The following OXR1 variants were observed in gnomAD, a reference collection of about 807,000 sequenced individuals.
OXR1 encodes oxidation resistance 1.
A neutral mutation model predicts 104.6 loss-of-function variants in OXR1; 41 were observed. That is an observed-to-expected ratio of 0.39 (90% CI 0.31 to 0.51). The LOEUF (loss-of-function observed/expected upper bound fraction) is 0.51, where lower values mean the gene tolerates loss of function less well. Ranked by LOEUF, OXR1 falls within the 20% of genes least tolerant of loss-of-function variation. The pLI, the probability that OXR1 is intolerant of heterozygous loss-of-function variation, is 0.77. For synonymous variants in OXR1, 348 were observed against 348.4 expected (o/e 1.00, Z 0.01); for missense variants, 955 against 1,031.9 (o/e 0.93, Z 1.02).
chr8:106,318,014 T>A (rs1814044280), intron 1 of OXR1, among the ~76,000 whole-genome samples: 1 of 152,180 alleles, frequency 6.6e-6, no homozygotes, highest in South Asian at 2.1e-4. Flanking sequence ...ATATTCCTAA[T>A]GACCATGACA....
At chr8:106,695,824 T>C (rs535091685) in intron 7 of OXR1, among the ~76,000 whole-genome samples, 1 of 152,338 alleles carries the variant, frequency 6.6e-6, no homozygotes, top group African/African-American at 2.4e-5. Flanking sequence ...TTTTTTTTAA[T>C]TAATATACTT....
In OXR1 at chr8:106,459,762, A is replaced by G. The variant is rs1172708935; in HGVS notation, c.24-59181A>G. On this transcript the variant is annotated intron_variant, in intron 2 of 16. Coordinates refer to ENST00000517566, the MANE Select transcript of OXR1 (RefSeq NM_001198533.2). ...TCTGTCATGATATAGCCTCATTTAT[A>G]AATTTCTTGTGTTTCCTATTGCATC... Among the ~76,000 whole-genome samples the G allele has an allele frequency of 2.0e-5, 3 of 152,184 alleles. No homozygotes were observed. In the East Asian group the frequency reaches 5.8e-4, roughly 29 times the overall value.
intron 11 of OXR1, among the ~76,000 whole-genome samples, chr8:106,726,598 T>G (rs1423317204): frequency 2.0e-5 from 3 of 152,194 alleles, no homozygotes; most frequent in Admixed American, 2.0e-4. Context: ...TTATTTTAGC[T>G]TAACTTTTTA....
intron 11 of OXR1, among the ~76,000 whole-genome samples, chr8:106,732,131 A>C (rs1230821450): frequency 6.6e-6 from 1 of 152,144 alleles, no homozygotes; most frequent in Non-Finnish European, 1.5e-5. Context: ...TTTCATTTAC[A>C]TTATGCTAAT....
At chr8:106,275,415 GTAGT>G (rs1811997646) in intron 1 of OXR1, among the ~76,000 whole-genome samples, 1 of 152,054 alleles carries the variant, frequency 6.6e-6, no homozygotes, top group African/African-American at 2.4e-5. Context: ...GCTGGCACTG[GTAGT>G]TAGAGGAAGC....
At chr8:106,624,061 A>G (rs1236869737) in intron 3 of OXR1, among the ~76,000 whole-genome samples, 1 of 152,194 alleles carries the variant, frequency 6.6e-6, no homozygotes, top group Non-Finnish European at 1.5e-5. Context: ...TTTCATTCAC[A>G]TGTGTGTTTT....
intron 1 of OXR1, among the ~76,000 whole-genome samples, chr8:106,276,201 G>A (rs770290140): frequency 2.8e-4 from 43 of 152,184 alleles, no homozygotes; most frequent in Non-Finnish European, 4.1e-4. Context: ...ATAGGTGCAG[G>A]CTGTAGTCTG....
intron 3 of OXR1, chr8:106,618,069 A>G (rs1821387193): frequency 3.3e-6 from 5 of 1,535,048 alleles, no homozygotes; most frequent in East Asian, 4.9e-5. Flanking sequence ...GAAATGTTAT[A>G]TTACCCTGAG....
chr8:106,665,737 A>G (rs3101532), intron 3 of OXR1, among the ~76,000 whole-genome samples: 45,331 of 152,062 alleles, frequency 0.3, 8,776 homozygotes, highest in African/African-American at 0.55. Context: ...CTCTTTATAA[A>G]TGTTGTTCAA....
chr8:106,497,060 C>T (rs186320778), intron 2 of OXR1, among the ~76,000 whole-genome samples: 16 of 152,296 alleles, frequency 1.1e-4, no homozygotes, highest in Admixed American at 4.6e-4. Context: ...TGCCACAGGA[C>T]GCTCAGTGTT....
chr8:106,550,619 T>A (rs1192811013), intron 3 of OXR1, among the ~76,000 whole-genome samples: 2 of 152,042 alleles, frequency 1.3e-5, no homozygotes, highest in Admixed American at 6.6e-5. Context: ...AGTGAGTGAG[T>A]TCTCATGAGA....
At chr8:106,277,730 G>T (rs1217575294) in intron 1 of OXR1, among the ~76,000 whole-genome samples, 1 of 152,224 alleles carries the variant, frequency 6.6e-6, no homozygotes, top group Non-Finnish European at 1.5e-5. Context: ...AGGGTTCTAA[G>T]ATGGCTGCCA....
At chr8:106,563,834 T>C (rs1816869189) in intron 3 of OXR1, among the ~76,000 whole-genome samples, 1 of 152,172 alleles carries the variant, frequency 6.6e-6, no homozygotes, top group African/African-American at 2.4e-5. Context: ...ATTAGGAAAC[T>C]CATTCAAAAC....
chr8:106,479,873 T>A (rs1380846396), intron 2 of OXR1, among the ~76,000 whole-genome samples: 1 of 152,062 alleles, frequency 6.6e-6, no homozygotes, highest in East Asian at 1.9e-4. Context: ...ATAGAGTTTT[T>A]ACTTTGATTT....
chr8:106,434,240 T>C (rs1361482111), intron 2 of OXR1, among the ~76,000 whole-genome samples: 1 of 152,192 alleles, frequency 6.6e-6, no homozygotes, highest in East Asian at 1.9e-4. Context: ...GTAAGATCAT[T>C]TGAATTACTG....
At chr8:106,515,222 G>A (rs948467125) in intron 2 of OXR1, among the ~76,000 whole-genome samples, 13 of 151,966 alleles carry the variant, frequency 8.6e-5, no homozygotes, top group Non-Finnish European at 1.6e-4. Flanking sequence ...TATATTTATA[G>A]GGTACAAAAT....
At position 106,671,882 on chromosome 8, in the gene OXR1, T is replaced by A. The variant is rs1240785232; in HGVS notation, c.221-7328T>A. 3.3e-5 allele frequency among the ~76,000 whole-genome samples: 5 copies of A among 150,820 alleles called. No homozygotes were observed. The East Asian group carries it at 9.8e-4, about 29-fold the overall frequency. ...TACCTAATTGTAAATGACGAGTTAA[T>A]GAGTGCAGCACACCAACATGGCACA... On this transcript the variant is annotated intron_variant, in intron 3 of 16. Coordinates refer to ENST00000517566, the MANE Select transcript of OXR1 (RefSeq NM_001198533.2).
At chr8:106,709,981 G>T (rs925371696) in intron 9 of OXR1, among the ~76,000 whole-genome samples, 1 of 152,038 alleles carries the variant, frequency 6.6e-6, no homozygotes, top group Non-Finnish European at 1.5e-5. Flanking sequence ...ATTTCCTCCA[G>T]TGTGCTGCCT....
chr8:106,665,378 G>C (rs974043933), intron 3 of OXR1, among the ~76,000 whole-genome samples: 1 of 152,162 alleles, frequency 6.6e-6, no homozygotes, highest in Admixed American at 6.5e-5. Flanking sequence ...TCTGGGAATT[G>C]ATTTTTTGTT....
Sources: allele counts gnomAD v4.1 joint callset (sites outside exome capture counted in the v4.1 genomes callset), GRCh38; gene constraint gnomAD v4.1.1; transcripts MANE v1.5; gene names NCBI Gene and HGNC (gene_info 2026-07-23, HGNC 2026-07-21).